Variants in ASZ1 observed in about 807,000 individuals in gnomAD.
ASZ1 encodes ankyrin repeat, SAM and basic leucine zipper domain-containing protein 1.
A neutral mutation model predicts 61.8 loss-of-function variants in ASZ1; 67 were observed. That is an observed-to-expected ratio of 1.08 (90% CI 0.89 to 1.33). ASZ1 has a LOEUF of 1.33. Ranked by LOEUF, ASZ1 falls within the 40% of genes most tolerant of loss-of-function variation. The pLI, the probability that ASZ1 is intolerant of heterozygous loss-of-function variation, is 0.00. For synonymous variants in ASZ1, 193 were observed against 192.7 expected (o/e 1.00, Z -0.01); for missense variants, 577 against 554.5 (o/e 1.04, Z -0.41).
At chr7:117,385,908 A>G in intron 4 of ASZ1, 99 bp from the exon 5 acceptor site, 1 of 926,202 alleles carries the variant, frequency 1.1e-6, no homozygotes, top group South Asian at 1.8e-5. Context: ...TACTGCTTTG[A>G]AAACGAAAAG....
intron 2 of ASZ1, among the ~76,000 whole-genome samples, chr7:117,426,603 C>A (rs1797221293): frequency 6.6e-6 from 1 of 151,542 alleles, no homozygotes; most frequent in Non-Finnish European, 1.5e-5. Flanking sequence ...GAGTAGGCCT[C>A]TTGCTTGAAG....
intron 11 of ASZ1, 101 bp from the exon 12 acceptor site, chr7:117,367,566 T>C: frequency 8.3e-7 from 1 of 1,204,146 alleles, no homozygotes; most frequent in African/African-American, 1.6e-5. Flanking sequence ...TTAGATTACA[T>C]AATTGAAAGG....
chr7:117,385,767 G>GT lies in ASZ1; in HGVS notation c.482dup (p.His161GlnfsTer16), dbSNP rs1796342722. 1 of 1,613,554 alleles carries GT rather than the reference G, an allele frequency of 6.2e-7. No homozygotes were observed. The highest frequency in any genetic ancestry group is 1.3e-5 in the African/African-American group (1 of 74,894). Reference sequence around the variant, plus strand: ...CAACAAGGAGAGCAACAACCTGGGTGTGACCATCTCGAGCAGCATACATGA... The same window carrying GT: ...CAACAAGGAGAGCAACAACCTGGGTGTTGACCATCTCGAGCAGCATACATGA... On this transcript the variant is annotated frameshift_variant, in exon 5 of 13. Transcript: ENST00000284629. LOFTEE classifies it high-confidence loss of function.
At chr7:117,393,155 TA>T (rs150356189) in intron 4 of ASZ1, among the ~76,000 whole-genome samples, 4,966 of 145,674 alleles carry the variant, frequency 0.034, 73 homozygotes, top group African/African-American at 0.045. Flanking sequence ...CTGGGTAGCA[TA>T]AAAAAAAAAA....
chr7:117,370,804 TTGTGTGTGTGTGTGTG>T (rs3138784), intron 10 of ASZ1, among the ~76,000 whole-genome samples: 41 of 133,302 alleles, frequency 3.1e-4, no homozygotes, highest in Middle Eastern at 3.9e-3. Context: ...CCAAAGGTAA[TTGTGTGTGTGTGTGTG>T]TGTGTGTGTG....
intron 11 of ASZ1, 99 bp from the exon 12 acceptor site, chr7:117,367,564 C>T (rs973791907): frequency 6.6e-6 from 8 of 1,207,056 alleles, no homozygotes; most frequent in Non-Finnish European, 8.4e-6. Context: ...CATTAGATTA[C>T]ATAATTGAAA....
intron 4 of ASZ1, among the ~76,000 whole-genome samples, chr7:117,394,004 T>C (rs1796529170): frequency 6.6e-6 from 1 of 152,134 alleles, no homozygotes; most frequent in Non-Finnish European, 1.5e-5. Context: ...AAAAGAGATG[T>C]TTACTTTTAT....
chr7:117,378,013 A>C lies in ASZ1; in HGVS notation c.1055+1925T>G, dbSNP rs1485309117. Among the ~76,000 whole-genome samples the C allele has an allele frequency of 2.6e-5, 4 of 152,164 alleles. No individual in the cohort carries two copies. In the East Asian group the frequency reaches 7.7e-4, roughly 29 times the overall value. On this transcript the variant is annotated intron_variant, in intron 10 of 12. Coordinates refer to ENST00000284629, the MANE Select transcript of ASZ1 (RefSeq NM_130768.3). ...GAAAAAAAAAATGAACCTCAGCCTA[A>C]ACCTCATAACTTTACAAAAATGAAC...
Position 117,382,063 on chromosome 7 carries a change from T to A in ASZ1, c.888+6A>T, listed in dbSNP as rs762989561. On this transcript the variant is annotated splice_donor_region_variant and intron_variant, in intron 8 of 12. Transcript: ENST00000284629. ...ATAACTCACTGTAGGTTATATAAGA[T>A]CTTACCTTTAGTAAATCTGTCATAT... 2 of 1,538,784 alleles carry A rather than the reference T, an allele frequency of 1.3e-6. No individual in the cohort carries two copies. The highest frequency in any genetic ancestry group is 1.8e-6 in the Non-Finnish European group (2 of 1,113,214).
intron 3 of ASZ1, 59 bp downstream of exon 3, chr7:117,422,178 A>G (rs199548894): frequency 7.7e-6 from 12 of 1,562,370 alleles, no homozygotes; most frequent in Middle Eastern, 1.7e-4. Context: ...TATAATAGCT[A>G]CTTGGAAACC....
Position 117,427,456 on chromosome 7 carries a change from G to A in ASZ1, c.5C>T (p.Ala2Val), listed in dbSNP as rs766060538. 3.1e-6 allele frequency: 5 copies of A among 1,613,706 alleles called. No individual in the cohort carries two copies. The South Asian group carries it at 3.3e-5, about 11-fold the overall frequency. The change falls in exon 1 of 13, where the codon GCG becomes GTG. Residue 2 changes from alanine to valine, a missense_variant. Ala to Val is a moderately conservative substitution (Grantham distance 64). Coordinates refer to ENST00000284629, the MANE Select transcript of ASZ1 (RefSeq NM_130768.3). MAASALRGLPVA... is the reference protein window; with the variant it reads MVASALRGLPVA... Reference sequence around the variant, plus strand: ...TGGCAGGCCTCGCAGCGCGCTCGCCGCCATGCCAGCCAAGGAAGCTCCCTG... The same window carrying A: ...TGGCAGGCCTCGCAGCGCGCTCGCCACCATGCCAGCCAAGGAAGCTCCCTG...
chr7:117,368,751 T>C, intron 10 of ASZ1, 34 bp from the exon 11 acceptor site: 1 of 1,605,370 alleles, frequency 6.2e-7, no homozygotes, highest in East Asian at 2.2e-5. Context: ...AAGCAGGAAT[T>C]ACTAATAAGA....
At chr7:117,379,875 A>G in intron 10 of ASZ1, 63 bp downstream of exon 10, 3 of 1,093,168 alleles carry the variant, frequency 2.7e-6, no homozygotes, top group Non-Finnish European at 4.0e-6. Context: ...TATGAAAATT[A>G]AACTAAAAAG....
rs760534183 is a variant in ASZ1, at chr7:117,382,035, T to C, written c.888+34A>G. 6.2e-6 allele frequency: 8 copies of C among 1,293,278 alleles called. No individual in the cohort carries two copies. The African/African-American group carries it at 1.2e-4, about 19-fold the overall frequency. 80.1% of individuals were successfully genotyped at this position (1,293,278 alleles called of 1,614,324 possible). ...ATATTAACCAACAAATTAACATATA[T>C]GCATAACTCACTGTAGGTTATATAA... is the stretch of plus-strand genomic sequence containing the variant. On this transcript the variant is annotated intron_variant, in intron 8 of 12. Transcript: ENST00000284629.
intron 12 of ASZ1, among the ~76,000 whole-genome samples, chr7:117,365,182 A>G (rs889400749): frequency 6.6e-6 from 1 of 152,214 alleles, no homozygotes; most frequent in Admixed American, 6.5e-5. Flanking sequence ...AGCTTGCTCC[A>G]AAATTTAAGA....
At chr7:117,419,782 T>C (rs961022275) in intron 4 of ASZ1, among the ~76,000 whole-genome samples, 4 of 152,204 alleles carry the variant, frequency 2.6e-5, no homozygotes, top group African/African-American at 9.6e-5. Flanking sequence ...AAAATGGATA[T>C]ATTTTCTTAG....
chr7:117,395,217 T>G (rs1187260619), intron 4 of ASZ1, among the ~76,000 whole-genome samples: 1 of 152,186 alleles, frequency 6.6e-6, no homozygotes, highest in Non-Finnish European at 1.5e-5. Context: ...ATAACTTTTT[T>G]CTTTCAAAAA....
At chr7:117,389,368 C>A (rs1479876245) in intron 4 of ASZ1, among the ~76,000 whole-genome samples, 1 of 152,290 alleles carries the variant, frequency 6.6e-6, no homozygotes, top group South Asian at 2.1e-4. Flanking sequence ...CTATTTTTAA[C>A]TGAGCATCCC....
At chr7:117,415,231 A>G (rs565148878) in intron 4 of ASZ1, among the ~76,000 whole-genome samples, 7 of 152,336 alleles carry the variant, frequency 4.6e-5, no homozygotes, top group Admixed American at 4.6e-4. Flanking sequence ...TGCTGTCTGC[A>G]GTAACCTGAG....
Sources: allele counts gnomAD v4.1 joint callset (sites outside exome capture counted in the v4.1 genomes callset), GRCh38; gene constraint gnomAD v4.1.1; transcripts MANE v1.5; gene names NCBI Gene and HGNC (gene_info 2026-07-23, HGNC 2026-07-21).